BICD1: variants seen among roughly 807,000 people sequenced by gnomAD.
The protein encoded by BICD1 is BICD cargo adaptor 1.
In BICD1, 35 loss-of-function variants were observed where a neutral mutation model predicts 92.5. The observed-to-expected ratio is 0.38, with a 90% confidence interval of 0.29 to 0.50. BICD1 has a LOEUF of 0.50. Among genes scored for constraint, BICD1 ranks in the 20% least tolerant of loss-of-function variants. The pLI, the probability that BICD1 is intolerant of heterozygous loss-of-function variation, is 0.93. For synonymous variants in BICD1, 429 were observed against 465.1 expected (o/e 0.92, Z 1.00); for missense variants, 950 against 1,189.8 (o/e 0.80, Z 2.97).
At chr12:32,176,866 T>C (rs1329166274) in intron 1 of BICD1, among the ~76,000 whole-genome samples, 1 of 152,132 alleles carries the variant, frequency 6.6e-6, no homozygotes, top group East Asian at 1.9e-4. Flanking sequence ...GGAACAAAGG[T>C]ACTATTAAAC....
chr12:32,335,397 G>C (rs555143087), intron 6 of BICD1, among the ~76,000 whole-genome samples: 8 of 151,972 alleles, frequency 5.3e-5, no homozygotes, highest in East Asian at 3.9e-4. Flanking sequence ...TGATCTGCCC[G>C]CCTCGGCCTC....
chr12:32,311,490 C>CT (rs1416836957), intron 4 of BICD1, among the ~76,000 whole-genome samples: 1 of 152,132 alleles, frequency 6.6e-6, no homozygotes, highest in Admixed American at 6.5e-5. Flanking sequence ...GATCAAGACT[C>CT]TGTCTCAAAA....
intron 1 of BICD1, among the ~76,000 whole-genome samples, chr12:32,210,051 C>A (rs1945167884): frequency 6.6e-6 from 1 of 152,102 alleles, no homozygotes; most frequent in Non-Finnish European, 1.5e-5. Context: ...TTAACTTTTT[C>A]AACACTATGC....
intron 2 of BICD1, among the ~76,000 whole-genome samples, chr12:32,268,786 T>C (rs1244799056): frequency 6.6e-6 from 1 of 151,992 alleles, no homozygotes; most frequent in African/African-American, 2.4e-5. Flanking sequence ...ACAATAAAAA[T>C]AAATAAATGA....
chr12:32,357,154 G>A (rs1207825444), intron 8 of BICD1, among the ~76,000 whole-genome samples: 2 of 151,892 alleles, frequency 1.3e-5, no homozygotes, highest in Non-Finnish European at 2.9e-5. Context: ...TGGGATTACA[G>A]GCGCACGCCA....
chr12:32,142,426 A>C (rs1200379316), intron 1 of BICD1, among the ~76,000 whole-genome samples: 115 of 40,828 alleles, frequency 2.8e-3, no homozygotes, highest in South Asian at 9.8e-3. Context: ...AAAAAAAAAA[A>C]AAAAACAAAA....
At chr12:32,348,472 A>C (rs1938712141) in intron 8 of BICD1, among the ~76,000 whole-genome samples, 1 of 151,134 alleles carries the variant, frequency 6.6e-6, no homozygotes, top group African/African-American at 2.4e-5. Context: ...GTGAAAGAAG[A>C]AGTACTTATT....
At position 32,313,466 on chromosome 12, in the gene BICD1, T is replaced by C. The variant is rs79631668; in HGVS notation, c.1005+7344T>C. 3.2e-4 allele frequency among the ~76,000 whole-genome samples: 49 copies of C among 152,306 alleles called. 1 individual carries two copies. Among genetic ancestry groups the C allele is most frequent in the African/African-American group, 1.1e-3 (46 of 41,582 alleles). The stretch of plus-strand genomic sequence containing the variant: ...GGCATGACTGTGTTATGTCATTAGT[T>C]CAAGGTCAAAAATCTAGTAAGTGGA... On this transcript the variant is annotated intron_variant, in intron 4 of 9. Transcript: ENST00000652176. The surrounding 1 kb of genome is among the most constrained non-coding windows in gnomAD (Gnocchi z 4.2).
intron 2 of BICD1, among the ~76,000 whole-genome samples, chr12:32,292,227 T>A (rs530609805): frequency 6.6e-6 from 1 of 152,200 alleles, no homozygotes; most frequent in African/African-American, 2.4e-5. Context: ...CTGGCAATCC[T>A]TGATGTTCCT....
At chr12:32,351,533 A>C (rs1938881802) in intron 8 of BICD1, among the ~76,000 whole-genome samples, 1 of 143,838 alleles carries the variant, frequency 7.0e-6, no homozygotes, top group Non-Finnish European at 1.5e-5. Context: ...AAGAAAAGAA[A>C]AATTTGCATT....
At chr12:32,352,538 G>C (rs1049724558) in intron 8 of BICD1, 1 of 151,876 alleles carries the variant, frequency 6.6e-6, no homozygotes. Flanking sequence ...TTAGTTTAAG[G>C]AGACACATTT....
intron 3 of BICD1, among the ~76,000 whole-genome samples, chr12:32,299,186 A>T (rs1947964983): frequency 6.6e-6 from 1 of 152,238 alleles, no homozygotes; most frequent in Non-Finnish European, 1.5e-5. Context: ...GTTAAAAATA[A>T]AGTTATTAAA....
chr12:32,114,967 T>G (rs942341577), intron 1 of BICD1, among the ~76,000 whole-genome samples: 6 of 152,222 alleles, frequency 3.9e-5, no homozygotes, highest in Admixed American at 2.0e-4. Flanking sequence ...TATTTAATCT[T>G]TATTGAAGAT....
intron 2 of BICD1, among the ~76,000 whole-genome samples, chr12:32,288,816 A>T (rs184808874): frequency 6.6e-6 from 1 of 152,062 alleles, no homozygotes; most frequent in Non-Finnish European, 1.5e-5. Flanking sequence ...CAGTGAGCCA[A>T]GATCATGCCA....
chr12:32,278,949 A>T (rs557304143), intron 2 of BICD1, among the ~76,000 whole-genome samples: 2 of 152,358 alleles, frequency 1.3e-5, no homozygotes, highest in Admixed American at 6.5e-5. Flanking sequence ...GAAATAGAAT[A>T]TCACATTACT....
chr12:32,128,398 TATCTC>T (rs1194434113), intron 1 of BICD1, among the ~76,000 whole-genome samples: 1 of 152,190 alleles, frequency 6.6e-6, no homozygotes, highest in East Asian at 1.9e-4. Context: ...ATTTTCCTCT[TATCTC>T]AGTCCCTGGA....
chr12:32,279,732 G>C (rs1474240306), intron 2 of BICD1, among the ~76,000 whole-genome samples: 1 of 152,198 alleles, frequency 6.6e-6, no homozygotes, highest in Non-Finnish European at 1.5e-5. Context: ...TATCCCATGG[G>C]ACAGATGCTT....
chr12:32,223,929 A>G (rs1945610663), intron 2 of BICD1, among the ~76,000 whole-genome samples: 1 of 152,210 alleles, frequency 6.6e-6, no homozygotes, highest in Non-Finnish European at 1.5e-5. Context: ...TTATGGGTTA[A>G]GTTTGCTGTC....
At chr12:32,235,313 C>G (rs1026203939) in intron 2 of BICD1, among the ~76,000 whole-genome samples, 9 of 152,164 alleles carry the variant, frequency 5.9e-5, no homozygotes, top group Admixed American at 5.2e-4. Flanking sequence ...CACCTGCTCT[C>G]TTGCCCTCAA....
Sources: allele counts gnomAD v4.1 joint callset (sites outside exome capture counted in the v4.1 genomes callset), GRCh38; gene constraint gnomAD v4.1.1; non-coding constraint Gnocchi (gnomAD v3.1); transcripts MANE v1.5; gene names NCBI Gene and HGNC (gene_info 2026-07-23, HGNC 2026-07-21).